NFIA: variants seen among roughly 807,000 people sequenced by gnomAD.
NFIA encodes nuclear factor I A, also known as nuclear factor 1 A-type.
In NFIA, 8 loss-of-function variants were observed where a neutral mutation model predicts 62.8. The observed-to-expected ratio is 0.13, with a 90% CI of 0.07 to 0.23. NFIA has a LOEUF of 0.23. Among genes scored for constraint, NFIA ranks in the 10% least tolerant of loss-of-function variants. The pLI is 1.00. For synonymous variants in NFIA, 235 were observed against 238.1 expected, an observed-to-expected ratio of 0.99 and a Z score of 0.12; for missense variants, 410 against 642.1, an observed-to-expected ratio of 0.64 and a Z score of 3.91.
chr1:61,210,853 T>C (rs1022255514), intron 2 of NFIA, among the ~76,000 whole-genome samples: 2 of 152,202 alleles, frequency 1.3e-5, no homozygotes, highest in Non-Finnish European at 2.9e-5. Context: ...GGTGGACTTC[T>C]TTACTGAAGA....
At chr1:61,178,244 C>T (rs2100557683) in intron 2 of NFIA, among the ~76,000 whole-genome samples, 1 of 152,228 alleles carries the variant, frequency 6.6e-6, no homozygotes, top group East Asian at 1.9e-4. Flanking sequence ...TTTGTCAAAG[C>T]ATTTGAATTG....
intron 4 of NFIA, among the ~76,000 whole-genome samples, chr1:61,337,562 G>A (rs556010000): frequency 1.3e-5 from 2 of 152,134 alleles, no homozygotes; most frequent in Non-Finnish European, 2.9e-5. Context: ...TCTGCTTTGG[G>A]GAAGGGGGTT....
chr1:61,277,884 A>C (rs1353494061), intron 3 of NFIA, among the ~76,000 whole-genome samples: 1 of 152,158 alleles, frequency 6.6e-6, no homozygotes, highest in East Asian at 1.9e-4. Context: ...TTACCAAATC[A>C]GATTTTTTTT....
At chr1:61,117,228 C>T (rs927746905) in intron 2 of NFIA, among the ~76,000 whole-genome samples, 2 of 152,090 alleles carry the variant, frequency 1.3e-5, no homozygotes, top group Non-Finnish European at 2.9e-5. Flanking sequence ...AGCTTTTTCT[C>T]TTATAGGCCC....
intron 6 of NFIA, among the ~76,000 whole-genome samples, chr1:61,373,543 T>G (rs1664006141): frequency 6.6e-6 from 1 of 152,104 alleles, no homozygotes; most frequent in Admixed American, 6.6e-5. Context: ...TCTTTCAAAT[T>G]AAATTTTATC....
chr1:61,263,973 G>C (rs1656942205), intron 2 of NFIA, among the ~76,000 whole-genome samples: 1 of 151,754 alleles, frequency 6.6e-6, no homozygotes, highest in Non-Finnish European at 1.5e-5. Context: ...CTGGGTGGCA[G>C]AGTGAGACTC....
intron 3 of NFIA, among the ~76,000 whole-genome samples, chr1:61,285,810 A>C (rs907914637): frequency 6.6e-6 from 1 of 152,192 alleles, no homozygotes; most frequent in Non-Finnish European, 1.5e-5. Context: ...GAATATCCAA[A>C]AAGAGAAATG....
At chr1:61,145,889 C>A (rs1279203637) in intron 2 of NFIA, among the ~76,000 whole-genome samples, 1 of 152,194 alleles carries the variant, frequency 6.6e-6, no homozygotes, top group Non-Finnish European at 1.5e-5. Context: ...CGATTTAATT[C>A]AACTCTTCTT....
chr1:61,254,025 A>G (rs1656220940), intron 2 of NFIA, among the ~76,000 whole-genome samples: 2 of 152,058 alleles, frequency 1.3e-5, no homozygotes. Flanking sequence ...GGTGTTTTAC[A>G]GTGAGACATA....
At chr1:61,300,450 T>A (rs1380070722) in intron 3 of NFIA, among the ~76,000 whole-genome samples, 1 of 152,130 alleles carries the variant, frequency 6.6e-6, no homozygotes, top group Non-Finnish European at 1.5e-5. Context: ...TACTTACTTA[T>A]ATTATACAAA....
chr1:61,085,661 TC>T (rs1473252796), intron 1 of NFIA, among the ~76,000 whole-genome samples: 19 of 152,154 alleles, frequency 1.2e-4, no homozygotes, highest in African/African-American at 3.6e-4. Flanking sequence ...ATATTTTAAA[TC>T]ATGACTTGAG....
chr1:61,176,795 A>G (rs542246497), intron 2 of NFIA, among the ~76,000 whole-genome samples: 1 of 152,224 alleles, frequency 6.6e-6, no homozygotes, highest in South Asian at 2.1e-4. Context: ...CTGATTTTTA[A>G]AAAATTCATT....
At chr1:61,312,736 C>T (rs1190089402) in intron 3 of NFIA, among the ~76,000 whole-genome samples, 1 of 151,870 alleles carries the variant, frequency 6.6e-6, no homozygotes, top group African/African-American at 2.4e-5. Flanking sequence ...TGGTCTCAAA[C>T]TCCTGGGCTC....
chr1:61,306,738 C>T lies in NFIA; in HGVS notation c.626-25774C>T, dbSNP rs149644995. ...GGTGGAGGTTTTTCAGAAGTACCAC[C>T]CAACCTCAAAAACACATAGTGGTCC... is the stretch of plus-strand genomic sequence containing the variant. On this transcript the variant is annotated intron_variant, in intron 3 of 10. Coordinates refer to ENST00000403491, the MANE Select transcript of NFIA (RefSeq NM_001134673.4). Among the ~76,000 whole-genome samples, 1,086 of 152,224 alleles carry T rather than the reference C, an allele frequency of 7.1e-3. 8 individuals carry two copies. The highest frequency in any genetic ancestry group is 0.012 in the East Asian group (62 of 5,180).
intron 2 of NFIA, among the ~76,000 whole-genome samples, chr1:61,277,290 C>T (rs776665373): frequency 6.6e-6 from 1 of 152,192 alleles, no homozygotes; most frequent in Non-Finnish European, 1.5e-5. Context: ...AAGCCAATGC[C>T]ACCGTAGGTG....
At chr1:61,309,448 A>G (rs1570555373) in intron 3 of NFIA, among the ~76,000 whole-genome samples, 1 of 151,802 alleles carries the variant, frequency 6.6e-6, no homozygotes, top group East Asian at 1.9e-4. Context: ...TCCTCCTCTA[A>G]TACTTTTTCC....
At chr1:61,417,355 T>G (rs1997998) in intron 9 of NFIA, among the ~76,000 whole-genome samples, 105,568 of 141,290 alleles carry the variant, frequency 0.75, 40,466 homozygotes, top group East Asian at 0.98. Context: ...AATTCACATT[T>G]TATGCCTTTT....
chr1:61,404,141 G>T lies in NFIA; in HGVS notation c.1113G>T (p.Pro371=). ...PHATPSTLHF[P]TSPIIQQPGP... ...CAACACCATCGACTCTTCATTTCCCGACATCACCCATTATCCAGCAGCCTG... is the reference window on the plus strand; with the variant it reads ...CAACACCATCGACTCTTCATTTCCCTACATCACCCATTATCCAGCAGCCTG... Residue 371 remains proline, a synonymous_variant, in exon 8 of 11, where the codon CCG becomes CCT. Coordinates refer to ENST00000403491, the MANE Select transcript of NFIA (RefSeq NM_001134673.4). 1.2e-6 allele frequency: 2 copies of T among 1,614,038 alleles called. No homozygotes were observed. The highest frequency in any genetic ancestry group is 4.5e-5 in the East Asian group (2 of 44,872).
intron 10 of NFIA, among the ~76,000 whole-genome samples, chr1:61,434,350 C>T (rs1317859887): frequency 6.6e-6 from 1 of 152,270 alleles, no homozygotes; most frequent in Admixed American, 6.5e-5. Context: ...CCCCTCCCTC[C>T]ATACTACTGT....
Sources: allele counts gnomAD v4.1 joint callset (sites outside exome capture counted in the v4.1 genomes callset), GRCh38; gene constraint gnomAD v4.1.1; transcripts MANE v1.5; gene names NCBI Gene and HGNC (gene_info 2026-07-23, HGNC 2026-07-21).